The following NRG1 variants were observed in gnomAD, a reference collection of about 807,000 sequenced individuals.
NRG1 encodes pro-neuregulin-1, membrane-bound isoform.
Under a neutral mutation model 63.8 loss-of-function variants are expected in NRG1, and 18 were observed. The ratio of observed to expected loss-of-function variants is 0.28; its 90% confidence interval spans 0.19 to 0.42. The LOEUF is 0.42. Among genes scored for constraint, NRG1 ranks in the 10% least tolerant of loss-of-function variants. The probability of loss-of-function intolerance (pLI) is 1.00; values close to 1 mark genes in which losing one functional copy is unlikely to be tolerated. For synonymous variants in NRG1, 302 were observed against 301.3 expected (o/e 1.00, Z -0.02); for missense variants, 762 against 814.7 (o/e 0.94, Z 0.79).
chr8:31,833,613 CTAT>C (rs1825384592), intron 1 of NRG1, among the ~76,000 whole-genome samples: 1 of 152,164 alleles, frequency 6.6e-6, no homozygotes, highest in Non-Finnish European at 1.5e-5. Context: ...AAGGAAAGAA[CTAT>C]TGTTAGCTAA....
intron 1 of NRG1, among the ~76,000 whole-genome samples, chr8:32,420,521 ATCTCTC>A (rs200897595): frequency 6.9e-6 from 1 of 145,784 alleles, no homozygotes; most frequent in African/African-American, 2.5e-5. Flanking sequence ...GACCACCCTC[ATCTCTC>A]TCTCTCTCTC....
rs536887430 is a variant in NRG1, at chr8:31,824,124, C to T, written c.37+184693C>T. 5.3e-4 allele frequency among the ~76,000 whole-genome samples: 80 copies of T among 151,462 alleles called. 1 individual carries two copies. In the South Asian group the frequency reaches 0.016, roughly 30 times the overall value. ...TGTTGGTGTGCTGCACCCATTAACT[C>T]GTCATTTACATTAGGTATATCTCCT... On this transcript the variant is annotated intron_variant, in intron 1 of 10. Transcript: ENST00000519301.
At chr8:32,459,348 T>G (rs1477358999) in intron 1 of NRG1, among the ~76,000 whole-genome samples, 2 of 152,228 alleles carry the variant, frequency 1.3e-5, no homozygotes, top group African/African-American at 4.8e-5. Flanking sequence ...TCTTTACTTC[T>G]TCTCCTTAGT....
At chr8:32,282,660 G>A (rs780274988) in intron 1 of NRG1, among the ~76,000 whole-genome samples, 5 of 152,126 alleles carry the variant, frequency 3.3e-5, no homozygotes, top group Non-Finnish European at 5.9e-5. Flanking sequence ...GGGTAAAAAT[G>A]TTTTGTCTCA....
chr8:32,621,894 A>C (rs1292430366), intron 5 of NRG1, among the ~76,000 whole-genome samples: 2 of 152,194 alleles, frequency 1.3e-5, no homozygotes, highest in African/African-American at 4.8e-5. Flanking sequence ...CTCAAAGAAA[A>C]AGCCCTTACT....
At chr8:32,117,109 T>C (rs1832832381) in intron 1 of NRG1, among the ~76,000 whole-genome samples, 1 of 151,450 alleles carries the variant, frequency 6.6e-6, no homozygotes, top group Admixed American at 6.6e-5. Context: ...GCCATTGCAC[T>C]CCAGCCTAGG....
chr8:31,903,218 G>A (rs563958803), intron 1 of NRG1, among the ~76,000 whole-genome samples: 3 of 139,422 alleles, frequency 2.2e-5, no homozygotes, highest in Admixed American at 8.0e-5. Flanking sequence ...GCGCAATCTC[G>A]GCTCACTGCA....
At chr8:32,212,525 T>C (rs1367145318) in intron 1 of NRG1, among the ~76,000 whole-genome samples, 10 of 152,158 alleles carry the variant, frequency 6.6e-5, no homozygotes, top group Admixed American at 6.5e-4. Flanking sequence ...ATGTGGTCAG[T>C]AAGTACCATA....
intron 1 of NRG1, among the ~76,000 whole-genome samples, chr8:32,072,152 T>G (rs1376666892): frequency 6.6e-6 from 1 of 152,054 alleles, no homozygotes; most frequent in Non-Finnish European, 1.5e-5. Flanking sequence ...AAGGTATCTT[T>G]ATCCTGAAGG....
At chr8:32,681,773 A>G (rs1356935950) in intron 5 of NRG1, among the ~76,000 whole-genome samples, 2 of 152,198 alleles carry the variant, frequency 1.3e-5, no homozygotes, top group Non-Finnish European at 2.9e-5. Context: ...ATAAACATGT[A>G]TAATGATTTT....
intron 5 of NRG1, among the ~76,000 whole-genome samples, chr8:32,643,871 C>T (rs1852920621): frequency 6.6e-6 from 1 of 152,014 alleles, no homozygotes; most frequent in Admixed American, 6.5e-5. Context: ...GTAATAATTC[C>T]TATTTCATTG....
chr8:32,664,241 T>A (rs1803574921), intron 5 of NRG1, among the ~76,000 whole-genome samples: 1 of 151,902 alleles, frequency 6.6e-6, no homozygotes, highest in African/African-American at 2.4e-5. Context: ...AGCCTTGCCA[T>A]TAACTGGAGT....
At chr8:32,485,048 TC>T (rs1825745899) in intron 1 of NRG1, among the ~76,000 whole-genome samples, 1 of 152,118 alleles carries the variant, frequency 6.6e-6, no homozygotes, top group Non-Finnish European at 1.5e-5. Context: ...GAAATTGAAA[TC>T]CTTCTTGGCT....
intron 1 of NRG1, among the ~76,000 whole-genome samples, chr8:32,064,347 C>T (rs1013402612): frequency 6.6e-6 from 1 of 152,108 alleles, no homozygotes; most frequent in South Asian, 2.1e-4. Context: ...CAGACTACTT[C>T]CAGTGTCCTG....
At chr8:32,099,479 C>T (rs1346030036) in intron 1 of NRG1, 5 of 152,154 alleles carry the variant, frequency 3.3e-5, no homozygotes, top group Non-Finnish European at 5.9e-5. Flanking sequence ...GCAGGTCTAG[C>T]AAAGAACATG....
At chr8:32,692,632 C>T (rs567679537) in intron 5 of NRG1, among the ~76,000 whole-genome samples, 1 of 152,180 alleles carries the variant, frequency 6.6e-6, no homozygotes, top group Non-Finnish European at 1.5e-5. Flanking sequence ...ACAGCATTTG[C>T]CTTTTGATTA....
chr8:32,026,710 C>T (rs1817434867), intron 1 of NRG1, among the ~76,000 whole-genome samples: 2 of 152,088 alleles, frequency 1.3e-5, no homozygotes, highest in African/African-American at 4.8e-5. Context: ...TTGTTTTGTA[C>T]CACATTTTCT....
At chr8:31,762,109 A>G (rs1183511674) in intron 1 of NRG1, among the ~76,000 whole-genome samples, 1 of 152,198 alleles carries the variant, frequency 6.6e-6, no homozygotes, top group African/African-American at 2.4e-5. Context: ...TTCTAAAAAA[A>G]CAGGGTACAT....
chr8:32,138,230 G>A (rs928938459), intron 1 of NRG1, among the ~76,000 whole-genome samples: 39 of 152,136 alleles, frequency 2.6e-4, no homozygotes, highest in African/African-American at 7.9e-4. Context: ...CATCAGGGGC[G>A]ATGTACCAGT....
Sources: allele counts gnomAD v4.1 joint callset (sites outside exome capture counted in the v4.1 genomes callset), GRCh38; gene constraint gnomAD v4.1.1; transcripts MANE v1.5; gene names NCBI Gene and HGNC (gene_info 2026-07-23, HGNC 2026-07-21).